The following AGTPBP1 variants were observed in gnomAD, a reference collection of about 807,000 sequenced individuals.
The protein encoded by AGTPBP1 is cytosolic carboxypeptidase 1.
In AGTPBP1, 70 loss-of-function variants were observed where a neutral mutation model predicts 143.9. That is an observed-to-expected ratio of 0.49 (90% CI 0.40 to 0.59). The LOEUF is 0.59. Among genes scored for constraint, AGTPBP1 ranks in the 20% least tolerant of loss-of-function variants. The pLI is 0.00. For synonymous variants in AGTPBP1, 463 were observed against 500.2 expected (o/e 0.93, Z 0.99); for missense variants, 1,229 against 1,464.5 (o/e 0.84, Z 2.62).
chr9:85,802,635 A>T, the AGTPBP1 span, among the ~76,000 whole-genome samples: 2 of 152,240 alleles, frequency 1.3e-5, no homozygotes, highest in Non-Finnish European at 2.9e-5. Flanking sequence ...GAGTAGGCTA[A>T]ACTGCTATAA....
chr9:85,692,877 G>C, intron 2 of AGTPBP1, 64 bp from the exon 3 acceptor site: 1 of 1,543,662 alleles, frequency 6.5e-7, no homozygotes, highest in Non-Finnish European at 8.8e-7. Flanking sequence ...ATACTATAAC[G>C]ATCACTGTTT....
At chr9:85,739,512 G>A (rs556882891) in intron 1 of AGTPBP1, among the ~76,000 whole-genome samples, 12 of 152,028 alleles carry the variant, frequency 7.9e-5, no homozygotes, top group African/African-American at 2.4e-4. Flanking sequence ...AGTTCAAGAC[G>A]AGCTTGGGTA....
the AGTPBP1 span, among the ~76,000 whole-genome samples, chr9:85,789,218 A>T: frequency 6.6e-6 from 1 of 152,132 alleles, no homozygotes; most frequent in Non-Finnish European, 1.5e-5. Context: ...CATATAAATA[A>T]CGTCGTGAAT....
intron 6 of AGTPBP1, among the ~76,000 whole-genome samples, 160 bp downstream of exon 6, chr9:85,677,276 C>G (rs1834885846): frequency 1.3e-5 from 2 of 152,094 alleles, no homozygotes; most frequent in African/African-American, 4.8e-5. Context: ...ACATTTTTAT[C>G]AAAATATCAT....
chr9:85,698,779 G>A (rs1229371857), intron 2 of AGTPBP1, among the ~76,000 whole-genome samples: 1 of 128,098 alleles, frequency 7.8e-6, no homozygotes, highest in Non-Finnish European at 1.6e-5. Flanking sequence ...TGCAAGCTCC[G>A]CCTCCTGGGT....
chr9:85,761,625 C>A, the AGTPBP1 span, among the ~76,000 whole-genome samples: 10 of 152,020 alleles, frequency 6.6e-5, no homozygotes, highest in Non-Finnish European at 1.2e-4. Flanking sequence ...AAATTAATTC[C>A]AGCTGGATTA....
intron 21 of AGTPBP1, 49 bp downstream of exon 21, chr9:85,588,249 G>A: frequency 6.8e-7 from 1 of 1,462,182 alleles, no homozygotes. Flanking sequence ...GTTTATACAG[G>A]ACAACCACAA....
intron 1 of AGTPBP1, among the ~76,000 whole-genome samples, chr9:85,719,153 C>T (rs1205614575): frequency 1.4e-5 from 2 of 148,036 alleles, no homozygotes; most frequent in East Asian, 3.9e-4. Context: ...GCTATGCGGG[C>T]TTTTTGGTTC....
chr9:85,659,544 C>T (rs939769213), intron 9 of AGTPBP1, among the ~76,000 whole-genome samples: 1 of 151,780 alleles, frequency 6.6e-6, no homozygotes, highest in East Asian at 1.9e-4. Context: ...TATGTTTGCC[C>T]ACCACCCTCA....
intron 1 of AGTPBP1, among the ~76,000 whole-genome samples, chr9:85,729,448 T>A (rs1220299748): frequency 1.3e-4 from 20 of 152,194 alleles, no homozygotes. Flanking sequence ...GTGAACAAGT[T>A]GCTCAGCACT....
At chr9:85,709,505 G>T (rs964878772) in intron 2 of AGTPBP1, among the ~76,000 whole-genome samples, 1 of 152,176 alleles carries the variant, frequency 6.6e-6, no homozygotes, top group Non-Finnish European at 1.5e-5. Context: ...GTTATCCAGG[G>T]TAAGGACTTT....
At position 85,642,854 on chromosome 9, in the gene AGTPBP1, A is replaced by C; in HGVS notation, c.1275T>G (p.Leu425=). The C allele has an allele frequency of 6.2e-7, 1 of 1,612,120 alleles. No homozygotes were observed. Among genetic ancestry groups the C allele is most frequent in the Non-Finnish European group, 8.5e-7 (1 of 1,179,462 alleles). ...TIEDLKMYEH[L]FPELVDDFQD... ...GAAAATCATCAACAAGCTCAGGGAA[A>C]AGGTGTTCATACATTTTTAGATCTT... The change falls in exon 13 of 26, where the codon CTT becomes CTG. Residue 425 remains leucine (L), a synonymous_variant. Coordinates refer to ENST00000357081, the MANE Select transcript of AGTPBP1 (RefSeq NM_001330701.2).
At chr9:85,772,584 GA>G in the AGTPBP1 span, among the ~76,000 whole-genome samples, 2 of 152,006 alleles carry the variant, frequency 1.3e-5, no homozygotes, top group Non-Finnish European at 2.9e-5. Context: ...CTGTCTCTAC[GA>G]AAAAATTTTT....
At chr9:85,781,785 T>TA in the AGTPBP1 span, among the ~76,000 whole-genome samples, 36 of 152,318 alleles carry the variant, frequency 2.4e-4, no homozygotes, top group African/African-American at 6.7e-4. Flanking sequence ...CCCTGGAAAT[T>TA]AAAAAATGTA....
In AGTPBP1 at chr9:85,633,447, T is replaced by C. The variant is rs887770083; in HGVS notation, c.1303-73A>G. The stretch of plus-strand genomic sequence containing the variant: ...CATATTAACAAAACTAATACATTCA[T>C]GTTATATATTGCTTCAGAAATTTTT... On this transcript the variant is annotated intron_variant, in intron 13 of 25. Transcript: ENST00000357081. The C allele has an allele frequency of 2.1e-5, 24 of 1,138,210 alleles. No homozygotes were observed. The African/African-American group carries it at 3.6e-4, about 17-fold the overall frequency. 70.5% of individuals were successfully genotyped at this position (1,138,210 alleles called of 1,614,324 possible). A position where few individuals can be genotyped will look rare whatever the true frequency, so the allele number is the denominator to read the frequency against.
At chr9:85,770,339 T>A in the AGTPBP1 span, 2 of 1,608,482 alleles carry the variant, frequency 1.2e-6, no homozygotes, top group Non-Finnish European at 1.7e-6. Flanking sequence ...GAAGCTGCAA[T>A]TGAATACAAG....
chr9:85,638,347 G>C (rs1224183648), intron 13 of AGTPBP1, among the ~76,000 whole-genome samples: 1 of 151,722 alleles, frequency 6.6e-6, no homozygotes, highest in African/African-American at 2.4e-5. Context: ...CCTCAAAAAA[G>C]TTGATTAAAA....
the AGTPBP1 span, chr9:85,792,260 T>C: frequency 6.6e-6 from 1 of 152,226 alleles, no homozygotes; most frequent in Admixed American, 6.5e-5. Flanking sequence ...CCTCTAGGAA[T>C]GAAAAGGAGT....
At chr9:85,769,191 T>C in the AGTPBP1 span, among the ~76,000 whole-genome samples, 3 of 152,070 alleles carry the variant, frequency 2.0e-5, no homozygotes, top group South Asian at 2.1e-4. Flanking sequence ...TCAACAGATA[T>C]TGAGTTCAAA....
Sources: allele counts gnomAD v4.1 joint callset (sites outside exome capture counted in the v4.1 genomes callset), GRCh38; gene constraint gnomAD v4.1.1; transcripts MANE v1.5; gene names NCBI Gene and HGNC (gene_info 2026-07-23, HGNC 2026-07-21).